The following CIP2A variants were observed in gnomAD, a reference collection of about 807,000 sequenced individuals.
The protein encoded by CIP2A is cellular inhibitor of PP2A.
A neutral mutation model predicts 110.9 loss-of-function variants in CIP2A; 103 were observed. That is an observed-to-expected ratio of 0.93 (90% CI 0.79 to 1.09). The LOEUF is 1.09. Ranked by LOEUF, CIP2A falls within the 50% of genes least tolerant of loss-of-function variation. CIP2A has a pLI of 0.00. For synonymous variants in CIP2A, 381 were observed against 361.6 expected (o/e 1.05, Z -0.61); for missense variants, 1,088 against 1,038.4 (o/e 1.05, Z -0.66).
chr3:108,557,550 T>C, intron 16 of CIP2A, 136 bp from the exon 17 acceptor site: 1 of 544,362 alleles, frequency 1.8e-6, no homozygotes, highest in Non-Finnish European at 3.1e-6. Context: ...ATTAGTCACA[T>C]ATACTTAGGA....
Position 108,589,276 on chromosome 3 carries a change from C to G in CIP2A, c.100G>C (p.Glu34Gln), listed in dbSNP as rs1344786486. Residue 34 changes from glutamate (E) to glutamine (Q), a missense_variant and splice_region_variant, in exon 1 of 21, where the codon GAG (glutamate) becomes CAG (glutamine). Coordinates refer to ENST00000295746, the MANE Select transcript of CIP2A (RefSeq NM_020890.3). ...TCCTCTACCCCAGAGCCTCTCACCT[C>G]CAAGTGCCGCAAAAGCTGAGTGGCG... ...ANATQLLRHL[E>Q]VISGQKLTRL... The G allele has an allele frequency of 6.2e-7, 1 of 1,613,148 alleles. No homozygotes were observed. The highest frequency in any genetic ancestry group is 1.3e-5 in the African/African-American group (1 of 74,930).
intron 5 of CIP2A, among the ~76,000 whole-genome samples, chr3:108,580,277 TG>T (rs1308206757): frequency 6.6e-6 from 1 of 152,234 alleles, no homozygotes; most frequent in Non-Finnish European, 1.5e-5. Flanking sequence ...GTGAGCAAGA[TG>T]GGTAGTTTCG....
chr3:108,568,753 T>A (rs1301239981), intron 9 of CIP2A, among the ~76,000 whole-genome samples: 2 of 152,060 alleles, frequency 1.3e-5, no homozygotes, highest in African/African-American at 4.8e-5. Context: ...AAGACCAAGA[T>A]AAAATAGAAA....
intron 7 of CIP2A, 97 bp from the exon 8 acceptor site, chr3:108,576,443 T>G: frequency 1.6e-6 from 1 of 635,940 alleles, no homozygotes; most frequent in East Asian, 3.3e-5. Context: ...TTATGTGTAT[T>G]TTCTTTCATC....
At chr3:108,559,686 A>G (rs1440032817) in intron 16 of CIP2A, 71 bp downstream of exon 16, 1 of 780,372 alleles carries the variant, frequency 1.3e-6, no homozygotes, top group Non-Finnish European at 2.0e-6. Flanking sequence ...TAACAAATAC[A>G]TAACTAATAT....
Position 108,579,367 on chromosome 3 carries a change from G to A in CIP2A, c.732C>T (p.Asn244=), listed in dbSNP as rs376364425. 5.6e-5 allele frequency: 90 copies of A among 1,604,378 alleles called. 1 individual carries two copies. In the African/African-American group the frequency reaches 9.5e-4, roughly 17 times the overall value. The change falls in exon 7 of 21, where the codon AAC becomes AAT. Residue 244 remains asparagine, a synonymous_variant. Transcript: ENST00000295746. ...TFQLIFNILI[N]GDGTLTRKYS... ...ACTTTCTAGTTAGAGTGCCATCACCGTTTATGAGAATATTAAATATTAGTT... is the reference window on the plus strand; with the variant it reads ...ACTTTCTAGTTAGAGTGCCATCACCATTTATGAGAATATTAAATATTAGTT...
At chr3:108,586,090 T>C (rs1939033451) in intron 1 of CIP2A, among the ~76,000 whole-genome samples, 1 of 152,224 alleles carries the variant, frequency 6.6e-6, no homozygotes. Context: ...AACTCTGTCC[T>C]GAATACTTAT....
intron 10 of CIP2A, among the ~76,000 whole-genome samples, chr3:108,567,794 G>A (rs751400884): frequency 4.6e-5 from 7 of 151,760 alleles, no homozygotes; most frequent in Non-Finnish European, 7.4e-5. Flanking sequence ...CTGATCGTCC[G>A]TCCAGGGGAA....
chr3:108,583,288 T>C (rs1374130096), intron 2 of CIP2A, among the ~76,000 whole-genome samples: 1 of 152,226 alleles, frequency 6.6e-6, no homozygotes, highest in African/African-American at 2.4e-5. Flanking sequence ...AAAAACTTGT[T>C]TACACATTTG....
intron 5 of CIP2A, 92 bp downstream of exon 5, chr3:108,581,323 A>C (rs934248160): frequency 1.1e-6 from 1 of 876,192 alleles, no homozygotes; most frequent in African/African-American, 1.7e-5. Flanking sequence ...TCCTTGTTCA[A>C]ATTTGTTTTA....
Position 108,560,116 on chromosome 3 carries a change from T to C in CIP2A, c.1828-88A>G, listed in dbSNP as rs1937947110. 3 of 710,152 alleles carry C rather than the reference T, an allele frequency of 4.2e-6. No individual in the cohort carries two copies. The East Asian group carries it at 8.2e-5, about 19-fold the overall frequency. The allele number at this position is 710,152 out of a possible 1,614,324, so 44.0% of individuals were successfully genotyped here. A position where few individuals can be genotyped will look rare whatever the true frequency, so the allele number is the denominator to read the frequency against. On this transcript the variant is annotated intron_variant, in intron 14 of 20. Coordinates refer to ENST00000295746, the MANE Select transcript of CIP2A (RefSeq NM_020890.3). ...AAATGCCTACTTCAAAACTAAATCA[T>C]TAAAACTTAATGATGAGTAACAAAA...
Position 108,554,537 on chromosome 3 carries a change from TGAA to T in CIP2A, c.2211-51_2211-49del, listed in dbSNP as rs749152923. 7.5e-5 allele frequency: 58 copies of T among 775,408 alleles called. No individual in the cohort carries two copies. The South Asian group carries it at 8.7e-4, about 12-fold the overall frequency. 48.0% of individuals were successfully genotyped at this position (775,408 alleles called of 1,614,324 possible). On this transcript the variant is annotated intron_variant, in intron 17 of 20. Transcript: ENST00000295746. ...TGGCATCATTATGGAGGAAAACATA[TGAA>T]GGAGAAAAGAAGCTCACAGTGTTTT...
chr3:108,580,549 G>T (rs759374697), intron 5 of CIP2A, among the ~76,000 whole-genome samples: 2 of 150,832 alleles, frequency 1.3e-5, no homozygotes, highest in Non-Finnish European at 2.9e-5. Flanking sequence ...ATTTAAAATC[G>T]AACGGGTAAT....
intron 2 of CIP2A, among the ~76,000 whole-genome samples, chr3:108,584,059 T>C (rs543888271): frequency 4.7e-4 from 71 of 152,342 alleles, no homozygotes; most frequent in African/African-American, 1.5e-3. Context: ...TAGTAACGGT[T>C]ATCAAATTTT....
rs1353253964 is a variant in CIP2A at position 108,549,930 on chromosome 3, GA to G, written c.*1218del. 6.6e-6 allele frequency: 1 copy of G among 151,680 alleles called. No individual in the cohort carries two copies. The highest frequency in any genetic ancestry group is 1.9e-4 in the East Asian group (1 of 5,190). 9.4% of individuals were successfully genotyped at this position (151,680 alleles called of 1,614,324 possible). On this transcript the variant is annotated 3_prime_UTR_variant, in exon 21 of 21. Transcript: ENST00000295746. ...CACTTAAACTTTTTCATATTTGGTTGAAAATGCATGCAATTTCAAAAGAGAA... is the reference window on the plus strand; with the variant it reads ...CACTTAAACTTTTTCATATTTGGTTGAAATGCATGCAATTTCAAAAGAGAA...
At chr3:108,563,465 T>C (rs1229087944) in intron 12 of CIP2A, among the ~76,000 whole-genome samples, 1 of 152,094 alleles carries the variant, frequency 6.6e-6, no homozygotes, top group African/African-American at 2.4e-5. Flanking sequence ...TAAAAAAATC[T>C]GGCAAAGGTT....
At chr3:108,588,091 A>T (rs1939136490) in intron 1 of CIP2A, among the ~76,000 whole-genome samples, 1 of 152,174 alleles carries the variant, frequency 6.6e-6, no homozygotes, top group South Asian at 2.1e-4. Flanking sequence ...CTTTCAGTGC[A>T]CAACCTTCCT....
At chr3:108,578,892 A>G (rs765262012) in intron 7 of CIP2A, among the ~76,000 whole-genome samples, 1 of 152,142 alleles carries the variant, frequency 6.6e-6, no homozygotes, top group Non-Finnish European at 1.5e-5. Flanking sequence ...ATGTTTCAAC[A>G]CTGTTTCATT....
intron 2 of CIP2A, 143 bp from the exon 3 acceptor site, chr3:108,583,226 C>T (rs1332625248): frequency 1.6e-5 from 7 of 433,614 alleles, no homozygotes; most frequent in Non-Finnish European, 2.4e-5. Context: ...GATAACCCTC[C>T]AATTCAGAAA....
Sources: allele counts gnomAD v4.1 joint callset (sites outside exome capture counted in the v4.1 genomes callset), GRCh38; gene constraint gnomAD v4.1.1; transcripts MANE v1.5; gene names NCBI Gene and HGNC (gene_info 2026-07-23, HGNC 2026-07-21).